The following FAM227B variants were observed in gnomAD, a reference collection of about 807,000 sequenced individuals.
The protein encoded by FAM227B is protein FAM227B.
FAM227B carries 88 observed loss-of-function variants against 73.8 expected under a neutral mutation model. The observed-to-expected ratio is 1.19, with a 90% CI of 1.00 to 1.42. The LOEUF (loss-of-function observed/expected upper bound fraction) is 1.42. FAM227B is among the 40% of genes most tolerant of loss of function. The pLI is 0.00. For synonymous variants in FAM227B, 210 were observed against 190.5 expected (o/e 1.10, Z -0.84); for missense variants, 632 against 590.9 (o/e 1.07, Z -0.72).
intron 8 of FAM227B, among the ~76,000 whole-genome samples, chr15:49,569,773 T>G (rs1224248723): frequency 6.6e-6 from 1 of 152,002 alleles, no homozygotes; most frequent in African/African-American, 2.4e-5. Context: ...TTTGAACATG[T>G]GCCCATTGCC....
At chr15:49,495,504 G>A (rs1026535311) in intron 11 of FAM227B, among the ~76,000 whole-genome samples, 3 of 152,088 alleles carry the variant, frequency 2.0e-5, no homozygotes, top group African/African-American at 7.2e-5. Context: ...ACCACTTTGG[G>A]AGTTTGTATG....
intron 13 of FAM227B, among the ~76,000 whole-genome samples, chr15:49,339,082 T>C (rs547271213): frequency 6.6e-6 from 1 of 152,294 alleles, no homozygotes; most frequent in African/African-American, 2.4e-5. Context: ...ACATAACTCC[T>C]TTAGCTCGCA....
chr15:49,488,230 T>G (rs1255009134), intron 11 of FAM227B: 1 of 151,956 alleles, frequency 6.6e-6, no homozygotes, highest in African/African-American at 2.4e-5. Flanking sequence ...ATGAAATAGC[T>G]CATTAAAACT....
intron 13 of FAM227B, among the ~76,000 whole-genome samples, chr15:49,347,294 T>C (rs2041647976): frequency 6.6e-6 from 1 of 152,184 alleles, no homozygotes; most frequent in South Asian, 2.1e-4. Context: ...GAATAAGAAG[T>C]GACAACATTT....
intron 11 of FAM227B, among the ~76,000 whole-genome samples, chr15:49,385,039 G>A (rs910441251): frequency 1.3e-4 from 20 of 151,886 alleles, no homozygotes; most frequent in African/African-American, 3.9e-4. Flanking sequence ...CCTGTAAAAC[G>A]TGCTCTAATA....
At chr15:49,383,670 A>G (rs1359919061) in intron 11 of FAM227B, among the ~76,000 whole-genome samples, 1 of 152,282 alleles carries the variant, frequency 6.6e-6, no homozygotes, top group East Asian at 1.9e-4. Flanking sequence ...TTCTAACAGA[A>G]TGACAGATGA....
chr15:49,587,334 G>C (rs2076229039), intron 5 of FAM227B, among the ~76,000 whole-genome samples: 1 of 152,124 alleles, frequency 6.6e-6, no homozygotes, highest in Non-Finnish European at 1.5e-5. Flanking sequence ...CTATTGAAGG[G>C]TGGATGGCAG....
At chr15:49,591,076 C>T (rs1173030858) in intron 3 of FAM227B, among the ~76,000 whole-genome samples, 1 of 107,248 alleles carries the variant, frequency 9.3e-6, no homozygotes, top group Non-Finnish European at 1.7e-5. Context: ...GACAGAGTCT[C>T]GCTCTGTCGC....
At chr15:49,381,728 A>T (rs1219784700) in intron 11 of FAM227B, among the ~76,000 whole-genome samples, 2 of 152,202 alleles carry the variant, frequency 1.3e-5, no homozygotes, top group African/African-American at 4.8e-5. Context: ...AATGAGGAAG[A>T]CAACACTAAT....
chr15:49,405,928 T>C (rs2048479266), intron 11 of FAM227B, among the ~76,000 whole-genome samples: 1 of 152,200 alleles, frequency 6.6e-6, no homozygotes, highest in Non-Finnish European at 1.5e-5. Flanking sequence ...TTATTTCTTT[T>C]ATCCTATGTG....
At chr15:49,554,165 C>A (rs1007650575) in intron 9 of FAM227B, among the ~76,000 whole-genome samples, 1 of 151,990 alleles carries the variant, frequency 6.6e-6, no homozygotes, top group Non-Finnish European at 1.5e-5. Context: ...GAGCTGGTAT[C>A]CAAGATGCAA....
intron 10 of FAM227B, among the ~76,000 whole-genome samples, chr15:49,515,622 T>C (rs2059325012): frequency 6.6e-6 from 1 of 152,188 alleles, no homozygotes; most frequent in Non-Finnish European, 1.5e-5. Flanking sequence ...TCAAATTTAG[T>C]GTGAGAAACT....
intron 15 of FAM227B, chr15:49,329,783 C>T (rs2038250388): frequency 1.2e-6 from 1 of 851,162 alleles, no homozygotes. Flanking sequence ...GTATATAATT[C>T]TTTAAAGATA....
At chr15:49,455,784 A>G (rs1441768336) in intron 11 of FAM227B, among the ~76,000 whole-genome samples, 2 of 152,178 alleles carry the variant, frequency 1.3e-5, no homozygotes, top group Non-Finnish European at 2.9e-5. Flanking sequence ...GGTCAATAGA[A>G]GAAATTTTTC....
chr15:49,466,450 A>G (rs892726626), intron 11 of FAM227B, among the ~76,000 whole-genome samples: 1 of 152,184 alleles, frequency 6.6e-6, no homozygotes, highest in Non-Finnish European at 1.5e-5. Flanking sequence ...GAAAAATGGG[A>G]GAAAATTATG....
intron 11 of FAM227B, among the ~76,000 whole-genome samples, chr15:49,394,786 G>A (rs934960746): frequency 6.6e-6 from 1 of 152,148 alleles, no homozygotes; most frequent in East Asian, 1.9e-4. Context: ...AGGTAATAAA[G>A]TCTATATATT....
At chr15:49,522,917 A>G (rs1012720240) in intron 10 of FAM227B, among the ~76,000 whole-genome samples, 3 of 152,202 alleles carry the variant, frequency 2.0e-5, no homozygotes, top group Non-Finnish European at 4.4e-5. Flanking sequence ...AACACATCCA[A>G]ATACAAGAAA....
chr15:49,362,492 G>A (rs1044354303), intron 13 of FAM227B, among the ~76,000 whole-genome samples: 6 of 152,058 alleles, frequency 3.9e-5, no homozygotes, highest in African/African-American at 1.2e-4. Context: ...CATGAAAACC[G>A]ACTAATACAC....
At chr15:49,494,475 T>G (rs1384180129) in intron 11 of FAM227B, among the ~76,000 whole-genome samples, 1 of 152,148 alleles carries the variant, frequency 6.6e-6, no homozygotes, top group Non-Finnish European at 1.5e-5. Flanking sequence ...TAGTGAAAAC[T>G]TTTCCTAACA....
Sources: gnomAD v4.1 joint callset for allele counts (sites outside exome capture counted in the v4.1 genomes callset) on GRCh38, gnomAD v4.1.1 for gene constraint, MANE v1.5 for transcripts, NCBI Gene and HGNC (gene_info 2026-07-23, HGNC 2026-07-21) for gene names.